The following WDR48 variants were observed in gnomAD, a reference collection of about 807,000 sequenced individuals.
WDR48 encodes the protein WD repeat domain 48.
Under a neutral mutation model 94.0 loss-of-function variants are expected in WDR48, and 22 were observed. The ratio of observed to expected loss-of-function variants is 0.23; its 90% CI spans 0.17 to 0.33. The LOEUF (loss-of-function observed/expected upper bound fraction) is 0.33, where lower values mean the gene tolerates loss of function less well. Among genes scored for constraint, WDR48 ranks in the 10% least tolerant of loss-of-function variants. The pLI is 1.00. For missense variants in WDR48, 541 were observed against 813.8 expected (o/e 0.66, Z 4.08); for synonymous variants, 278 against 280.5 (o/e 0.99, Z 0.09).
At chr3:39,093,369 T>C (rs1300638181) in intron 17 of WDR48, among the ~76,000 whole-genome samples, 1 of 152,204 alleles carries the variant, frequency 6.6e-6, no homozygotes, top group African/African-American at 2.4e-5. Context: ...GTAAATGTTT[T>C]TGTTTGTTTT....
intron 7 of WDR48, among the ~76,000 whole-genome samples, chr3:39,073,890 A>G (rs1303845536): frequency 8.5e-5 from 13 of 152,230 alleles, no homozygotes; most frequent in Admixed American, 7.9e-4. Context: ...TCAGGAATCC[A>G]GAGCCATGAG....
At chr3:39,084,347 T>A (rs1473636337) in intron 12 of WDR48, 85 bp downstream of exon 12, 1 of 1,010,290 alleles carries the variant, frequency 9.9e-7, no homozygotes, top group Non-Finnish European at 1.4e-6. Context: ...TACAGAGTCC[T>A]GTGTTTTTAG....
chr3:39,080,980 A>G (rs2034507093), intron 11 of WDR48, among the ~76,000 whole-genome samples: 2 of 152,228 alleles, frequency 1.3e-5, no homozygotes, highest in African/African-American at 2.4e-5. Flanking sequence ...CAGGACCCAA[A>G]GTTGGCCTTT....
At chr3:39,091,747 A>C (rs775900245) in intron 17 of WDR48, 46 bp downstream of exon 17, 3 of 1,445,774 alleles carry the variant, frequency 2.1e-6, no homozygotes, top group Non-Finnish European at 2.8e-6. Flanking sequence ...ACTAGAGAGA[A>C]TTCCTTTTCC....
intron 2 of WDR48, among the ~76,000 whole-genome samples, chr3:39,064,603 G>C (rs2033483213): frequency 6.6e-6 from 1 of 152,106 alleles, no homozygotes. Context: ...GAGAAAATGG[G>C]CTCAGAGAAA....
intron 1 of WDR48, among the ~76,000 whole-genome samples, chr3:39,061,069 C>T (rs2033227310): frequency 1.3e-5 from 2 of 152,078 alleles, no homozygotes; most frequent in South Asian, 4.1e-4. Flanking sequence ...TATAATTGTT[C>T]CTAATAGAAT....
At chr3:39,056,509 A>C (rs1407018309) in intron 1 of WDR48, among the ~76,000 whole-genome samples, 5 of 152,234 alleles carry the variant, frequency 3.3e-5, no homozygotes, top group Admixed American at 6.5e-5. Context: ...AAATGTCACA[A>C]CACCAAGGAA....
chr3:39,087,937 T>C, intron 14 of WDR48, 191 bp from the exon 15 acceptor site: 1 of 567,372 alleles, frequency 1.8e-6, no homozygotes, highest in Admixed American at 3.1e-5. Context: ...TTCCATGAAA[T>C]AGACCACAAG....
chr3:39,068,910 A>G (rs2033772450), intron 6 of WDR48, 51 bp downstream of exon 6: 2 of 1,306,648 alleles, frequency 1.5e-6, no homozygotes, highest in African/African-American at 1.5e-5. Context: ...TTTTTCACAT[A>G]CCTTGTCTCC....
At chr3:39,077,265 A>C (rs986305001) in intron 9 of WDR48, 52 bp downstream of exon 9, 1 of 1,604,070 alleles carries the variant, frequency 6.2e-7, no homozygotes, top group African/African-American at 1.3e-5. Flanking sequence ...TTTTGTTATC[A>C]CAGACCTGTA....
rs750696857 is a variant in WDR48 at position 39,085,572 on chromosome 3, T to C, written c.1436T>C (p.Val479Ala). 1 of 1,612,200 alleles carries C rather than the reference T, an allele frequency of 6.2e-7. No individual in the cohort carries two copies. Among genetic ancestry groups the C allele is most frequent in the East Asian group, 2.2e-5 (1 of 44,682 alleles). ...CTGGAATATTGGCCTAGAACACATG[T>C]GAATCCAATGGATGAAGAGGAAAAT... ...ALLEYWPRTH[V>A]NPMDEEENEV... Residue 479 changes from valine to alanine, a missense_variant, in exon 14 of 19, where the codon GTG (valine) becomes GCG (alanine). By Grantham distance (64) the Val-to-Ala change is moderately conservative (BLOSUM62 0). Around this residue, in one of 5 missense-constraint regions of WDR48, gnomAD observed 238 missense variants for 285.3 expected, o/e 0.83. Coordinates refer to ENST00000302313, the MANE Select transcript of WDR48 (RefSeq NM_020839.4).
At chr3:39,079,527 CATAA>C (rs2034410839) in intron 10 of WDR48, among the ~76,000 whole-genome samples, 180 bp from the exon 11 acceptor site, 1 of 152,122 alleles carries the variant, frequency 6.6e-6, no homozygotes, top group African/African-American at 2.4e-5. Flanking sequence ...TATAAATGGA[CATAA>C]ATAATTTATG....
At chr3:39,058,025 T>C (rs997054246) in intron 1 of WDR48, among the ~76,000 whole-genome samples, 1 of 152,268 alleles carries the variant, frequency 6.6e-6, no homozygotes, top group Non-Finnish European at 1.5e-5. Flanking sequence ...CATTGTTGTG[T>C]TGGACCACAC....
intron 8 of WDR48, among the ~76,000 whole-genome samples, chr3:39,075,608 C>G (rs770997453): frequency 9.2e-5 from 14 of 152,066 alleles, no homozygotes; most frequent in African/African-American, 1.4e-4. Flanking sequence ...AAAGTGAAGG[C>G]TGTACTGAAA....
intron 6 of WDR48, 139 bp from the exon 7 acceptor site, chr3:39,069,504 G>T (rs572196657): frequency 1.3e-5 from 9 of 677,840 alleles, no homozygotes; most frequent in Non-Finnish European, 1.9e-5. Context: ...AGGTTGGGAG[G>T]CTTAGACAGT....
At position 39,081,681 on chromosome 3, in the gene WDR48, G is replaced by A. The variant is rs73826203; in HGVS notation, c.1173+1873G>A. Among the ~76,000 whole-genome samples, 155 of 152,276 alleles carry A rather than the reference G, an allele frequency of 1.0e-3. 1 individual carries two copies. Among genetic ancestry groups the A allele is most frequent in the African/African-American group, 3.6e-3 (151 of 41,558 alleles). ...GCTGGACTTCGCCTCATGCTGCCCA[G>A]GACCTAATTGTCTCCAGAATACCCA... On this transcript the variant is annotated intron_variant, in intron 11 of 18. Transcript: ENST00000302313.
chr3:39,057,146 A>G (rs1421345723), intron 1 of WDR48, among the ~76,000 whole-genome samples: 1 of 152,232 alleles, frequency 6.6e-6, no homozygotes, highest in East Asian at 1.9e-4. Flanking sequence ...TTACAGTCAC[A>G]ACAATATAGC....
At chr3:39,052,526 G>C (rs1477613171) in intron 1 of WDR48, 2 of 170,764 alleles carry the variant, frequency 1.2e-5, no homozygotes, top group African/African-American at 4.8e-5. Context: ...GAGCGCCAAC[G>C]GCCCTGCGGG....
intron 11 of WDR48, among the ~76,000 whole-genome samples, chr3:39,081,959 G>A (rs1012308452): frequency 6.6e-6 from 1 of 152,234 alleles, no homozygotes; most frequent in Non-Finnish European, 1.5e-5. Context: ...GCTAAACAGT[G>A]TGGGACAGTC....
Sources: allele counts gnomAD v4.1 joint callset (sites outside exome capture counted in the v4.1 genomes callset), GRCh38; gene constraint gnomAD v4.1.1; regional missense constraint gnomAD v4.1.1; transcripts MANE v1.5; gene names NCBI Gene and HGNC (gene_info 2026-07-23, HGNC 2026-07-21).